The following LYPLAL1 variants were observed in gnomAD, a reference collection of about 807,000 sequenced individuals.
LYPLAL1 encodes lysophospholipase like 1, also known as lysophospholipase-like protein 1.
A neutral mutation model predicts 19.7 loss-of-function variants in LYPLAL1; 23 were observed. That is an observed-to-expected ratio of 1.17 (90% CI 0.84 to 1.65). LYPLAL1 has a LOEUF of 1.65. Ranked by LOEUF, LYPLAL1 falls within the 40% of genes most tolerant of loss-of-function variation. The probability of loss-of-function intolerance (pLI) is 0.00; values close to 1 mark genes in which losing one functional copy is unlikely to be tolerated. For synonymous variants in LYPLAL1, 119 were observed against 96.3 expected (o/e 1.24, Z -1.38); for missense variants, 355 against 279.4 (o/e 1.27, Z -1.93).
the LYPLAL1 span, among the ~76,000 whole-genome samples, chr1:219,412,795 A>C: frequency 6.6e-6 from 1 of 152,236 alleles, no homozygotes; most frequent in Non-Finnish European, 1.5e-5. Context: ...GGCAAGATGC[A>C]CAACAAAGAC....
At chr1:219,406,824 A>T in the LYPLAL1 span, among the ~76,000 whole-genome samples, 1 of 152,184 alleles carries the variant, frequency 6.6e-6, no homozygotes, top group Non-Finnish European at 1.5e-5. Flanking sequence ...TCATTCCCTG[A>T]CTTATGTGTT....
At chr1:219,344,110 C>T in the LYPLAL1 span, among the ~76,000 whole-genome samples, 1 of 152,128 alleles carries the variant, frequency 6.6e-6, no homozygotes, top group African/African-American at 2.4e-5. Context: ...TCAAAATGAA[C>T]ACTCAGTCCT....
chr1:219,238,658 A>G, the LYPLAL1 span, among the ~76,000 whole-genome samples: 6 of 152,142 alleles, frequency 3.9e-5, no homozygotes, highest in Admixed American at 1.3e-4. Context: ...GACTTTGTAC[A>G]TACTCTCTGC....
intron 3 of LYPLAL1, among the ~76,000 whole-genome samples, chr1:219,194,164 G>C (rs951249127): frequency 6.6e-6 from 1 of 151,788 alleles, no homozygotes; most frequent in Non-Finnish European, 1.5e-5. Context: ...GTGGCCTCTA[G>C]CATAACAACA....
the LYPLAL1 span, among the ~76,000 whole-genome samples, chr1:219,356,425 G>A: frequency 3.3e-5 from 5 of 152,126 alleles, no homozygotes; most frequent in South Asian, 2.1e-4. Context: ...GCTTGAACCC[G>A]GGAGGCGGAG....
At chr1:219,440,014 C>CATATATATAT in the LYPLAL1 span, among the ~76,000 whole-genome samples, 1 of 74,118 alleles carries the variant, frequency 1.3e-5, no homozygotes, top group Non-Finnish European at 2.5e-5. Context: ...TATATATATA[C>CATATATATAT]ACACACACAC....
At chr1:219,430,287 CAAAAAAAAAAAAAA>C in the LYPLAL1 span, among the ~76,000 whole-genome samples, 3 of 69,788 alleles carry the variant, frequency 4.3e-5, no homozygotes, top group Non-Finnish European at 5.7e-5. Context: ...GATCCTAGCT[CAAAAAAAAAAAAAA>C]AAAAAAAAGC....
the LYPLAL1 span, among the ~76,000 whole-genome samples, chr1:219,401,604 T>C: frequency 3.3e-5 from 5 of 152,104 alleles, no homozygotes; most frequent in Non-Finnish European, 5.9e-5. Flanking sequence ...AAGTACTTTA[T>C]ATGTCAAATG....
chr1:219,361,028 A>G, the LYPLAL1 span, among the ~76,000 whole-genome samples: 1 of 152,332 alleles, frequency 6.6e-6, no homozygotes. Flanking sequence ...TTCTTCACAC[A>G]CAACAAAATA....
intron 3 of LYPLAL1, among the ~76,000 whole-genome samples, chr1:219,202,366 C>T (rs1658180725): frequency 6.6e-6 from 1 of 152,220 alleles, no homozygotes; most frequent in African/African-American, 2.4e-5. Context: ...CACTTGGAGA[C>T]TTACAGGTAG....
At chr1:219,425,332 C>T in the LYPLAL1 span, among the ~76,000 whole-genome samples, 1 of 152,096 alleles carries the variant, frequency 6.6e-6, no homozygotes, top group Non-Finnish European at 1.5e-5. Flanking sequence ...CATTAGTATC[C>T]CATGTTACAG....
chr1:219,231,630 TAAC>T, the LYPLAL1 span, among the ~76,000 whole-genome samples: 1 of 152,124 alleles, frequency 6.6e-6, no homozygotes, highest in Non-Finnish European at 1.5e-5. Flanking sequence ...CTAATTTTCT[TAAC>T]AACAACACTA....
At chr1:219,414,117 G>T in the LYPLAL1 span, among the ~76,000 whole-genome samples, 1 of 152,186 alleles carries the variant, frequency 6.6e-6, no homozygotes, top group South Asian at 2.1e-4. Flanking sequence ...GCAGGGTTTG[G>T]ATAAGACCCT....
chr1:219,210,678 A>C, intron 4 of LYPLAL1, 31 bp downstream of exon 4: 2 of 1,575,870 alleles, frequency 1.3e-6, no homozygotes, highest in Non-Finnish European at 1.7e-6. Context: ...AAAATGAAAA[A>C]AATATGAAAT....
the LYPLAL1 span, chr1:219,442,561 C>T: frequency 3.3e-5 from 5 of 152,286 alleles, no homozygotes; most frequent in East Asian, 3.9e-4. Flanking sequence ...TTTCTTCTAA[C>T]GGAAACTCAC....
the LYPLAL1 span, among the ~76,000 whole-genome samples, chr1:219,289,048 A>C: frequency 6.7e-6 from 1 of 150,046 alleles, no homozygotes; most frequent in Admixed American, 6.7e-5. Flanking sequence ...GCCATGCAGA[A>C]ATGTGCTGGC....
At chr1:219,438,000 C>G in the LYPLAL1 span, among the ~76,000 whole-genome samples, 1 of 152,114 alleles carries the variant, frequency 6.6e-6, no homozygotes. Flanking sequence ...CTCCTGACCT[C>G]AAGTGATCCA....
chr1:219,425,633 G>A, the LYPLAL1 span, among the ~76,000 whole-genome samples: 3 of 152,176 alleles, frequency 2.0e-5, no homozygotes, highest in African/African-American at 7.2e-5. Flanking sequence ...TTGTTTTCAA[G>A]CTTCAAGGAG....
At chr1:219,294,747 ATT>A in the LYPLAL1 span, among the ~76,000 whole-genome samples, 1 of 152,210 alleles carries the variant, frequency 6.6e-6, no homozygotes, top group Non-Finnish European at 1.5e-5. Context: ...CTGGATGGAA[ATT>A]AGCACATAAT....
Sources: gnomAD v4.1 joint callset for allele counts (sites outside exome capture counted in the v4.1 genomes callset) on GRCh38, gnomAD v4.1.1 for gene constraint, MANE v1.5 for transcripts, NCBI Gene and HGNC (gene_info 2026-07-23, HGNC 2026-07-21) for gene names.